PTAR1: variants seen among roughly 807,000 people sequenced by gnomAD.
The protein encoded by PTAR1 is protein prenyltransferase alpha subunit repeat containing 1, also known as protein prenyltransferase alpha subunit repeat-containing protein 1.
In PTAR1, 17 loss-of-function variants were observed where a neutral mutation model predicts 45.5. The ratio of observed to expected loss-of-function variants is 0.37; its 90% CI spans 0.26 to 0.56. The LOEUF (loss-of-function observed/expected upper bound fraction) is 0.56. Among genes scored for constraint, PTAR1 ranks in the 20% least tolerant of loss-of-function variants. The pLI is 0.77. For synonymous variants in PTAR1, 169 were observed against 171.3 expected (o/e 0.99, Z 0.11); for missense variants, 391 against 476.3 (o/e 0.82, Z 1.67).
intron 6 of PTAR1, among the ~76,000 whole-genome samples, 190 bp from the exon 7 acceptor site, chr9:69,718,874 T>C (rs1265086628): frequency 6.6e-6 from 1 of 152,146 alleles, no homozygotes; most frequent in Non-Finnish European, 1.5e-5. Context: ...AAAGAAAGCC[T>C]TATAACTCCA....
At chr9:69,724,348 A>G (rs1175516177) in intron 5 of PTAR1, among the ~76,000 whole-genome samples, 1 of 152,232 alleles carries the variant, frequency 6.6e-6, no homozygotes, top group East Asian at 1.9e-4. Context: ...TTCAAATGAA[A>G]TGATTTTTTA....
chr9:69,723,578 G>A lies in PTAR1; in HGVS notation c.695C>T (p.Ser232Leu). ...STKHWASMHV[S>L]DHSGFHYRQF... ...GCGGTAGTGAAATCCACTGTGGTCT[G>A]AAACGTGCATAGATGCCCAATGTTT... Residue 232 changes from serine to leucine, a missense_variant, in exon 6 of 8, where the codon TCA (serine) becomes TTA (leucine). Physicochemically the swap from Ser to Leu is moderately radical, Grantham distance 145 (BLOSUM62 -2). This residue lies in a region of PTAR1 where 181 missense variants were observed against 227.7 expected (regional missense o/e 0.80). Transcript: ENST00000340434. The A allele has an allele frequency of 6.2e-7, 1 of 1,613,828 alleles. No individual in the cohort carries two copies. The highest frequency in any genetic ancestry group is 8.5e-7 in the Non-Finnish European group (1 of 1,179,758).
intron 6 of PTAR1, among the ~76,000 whole-genome samples, chr9:69,719,175 G>A (rs1824869772): frequency 1.3e-5 from 2 of 152,258 alleles, no homozygotes; most frequent in South Asian, 4.1e-4. Flanking sequence ...ATCTGTTGTA[G>A]TGGGTCTTAT....
intron 3 of PTAR1, among the ~76,000 whole-genome samples, chr9:69,736,905 ACT>A (rs1260406431): frequency 6.6e-6 from 1 of 152,194 alleles, no homozygotes; most frequent in East Asian, 1.9e-4. Context: ...ATATATGGAC[ACT>A]GAAAAAGATC....
intron 1 of PTAR1, chr9:69,758,638 G>A (rs1826911504): frequency 3.2e-5 from 12 of 376,222 alleles, no homozygotes; most frequent in South Asian, 2.1e-4. Flanking sequence ...ACAGTTGCAC[G>A]TCTCCAATTG....
intron 5 of PTAR1, among the ~76,000 whole-genome samples, chr9:69,729,003 C>A (rs1038599387): frequency 9.2e-5 from 14 of 152,258 alleles, no homozygotes; most frequent in Admixed American, 9.2e-4. Flanking sequence ...CTGTCTCATT[C>A]AATGCTAATA....
chr9:69,734,124 A>T, intron 4 of PTAR1, 26 bp downstream of exon 4: 1 of 1,182,024 alleles, frequency 8.5e-7, no homozygotes, highest in Non-Finnish European at 1.3e-6. Flanking sequence ...CCTAAGTAAG[A>T]GTACTATGTT....
At chr9:69,720,309 G>C (rs1824937470) in intron 6 of PTAR1, among the ~76,000 whole-genome samples, 1 of 152,178 alleles carries the variant, frequency 6.6e-6, no homozygotes, top group Non-Finnish European at 1.5e-5. Flanking sequence ...TAGTGCTCTG[G>C]ATAGAAAAGC....
chr9:69,728,155 T>C (rs1446672825), intron 5 of PTAR1, among the ~76,000 whole-genome samples: 1 of 152,314 alleles, frequency 6.6e-6, no homozygotes, highest in Middle Eastern at 3.4e-3. Context: ...CAATGTTCTA[T>C]TGCATGGATA....
rs1041754178 is a variant in PTAR1, at chr9:69,714,689, C to G, written c.*3653G>C. 3.3e-5 allele frequency: 5 copies of G among 152,022 alleles called. No homozygotes were observed. Among genetic ancestry groups the G allele is most frequent in the African/African-American group, 1.2e-4 (5 of 41,418 alleles). 9.4% of individuals were successfully genotyped at this position (152,022 alleles called of 1,614,324 possible). A position where few individuals can be genotyped will look rare whatever the true frequency, so the allele number is the denominator to read the frequency against. ...AAGCCCTTATTTAAAAATTTAAGTA[C>G]TTTTAGAGATAACCTGTATATATTT... On this transcript the variant is annotated 3_prime_UTR_variant, in exon 8 of 8. Coordinates refer to ENST00000340434, the MANE Select transcript of PTAR1 (RefSeq NM_001099666.2).
chr9:69,742,418 G>T (rs931590347), intron 2 of PTAR1, among the ~76,000 whole-genome samples: 1 of 151,912 alleles, frequency 6.6e-6, no homozygotes, highest in Non-Finnish European at 1.5e-5. Context: ...CTCCTATATT[G>T]CTAGAGTATG....
Position 69,718,307 on chromosome 9 carries a change from T to TA in PTAR1, c.*34dup, listed in dbSNP as rs750542817. The TA allele has an allele frequency of 1.5e-4, 218 of 1,470,790 alleles. No individual in the cohort carries two copies. The highest frequency in any genetic ancestry group is 1.9e-4 in the Non-Finnish European group (210 of 1,083,076). The allele number at this position is 1,470,790 out of a possible 1,614,324, so 91.1% of individuals were successfully genotyped here. A position where few individuals can be genotyped will look rare whatever the true frequency, so the allele number is the denominator to read the frequency against. On this transcript the variant is annotated 3_prime_UTR_variant, in exon 8 of 8. Transcript: ENST00000340434. ...ATAATAAAAGAAAGCAATATTGCAC[T>TA]AAAAGGGGAACCTTGTAGGACTAAT...
chr9:69,711,945 G>C lies in PTAR1; in HGVS notation c.*6397C>G, dbSNP rs1225036075. 6.6e-6 allele frequency: 1 copy of C among 152,054 alleles called. No individual in the cohort carries two copies. Among genetic ancestry groups the C allele is most frequent in the Non-Finnish European group, 1.5e-5 (1 of 67,998 alleles). The allele number at this position is 152,054 out of a possible 1,614,324, so 9.4% of individuals were successfully genotyped here. A position where few individuals can be genotyped will look rare whatever the true frequency, so the allele number is the denominator to read the frequency against. Reference sequence around the variant, plus strand: ...TGATGTTAGATCAATCACTGACTAAGCATTTATTGAGCATCTACTATAACT... The same window carrying C: ...TGATGTTAGATCAATCACTGACTAACCATTTATTGAGCATCTACTATAACT... On this transcript the variant is annotated 3_prime_UTR_variant, in exon 8 of 8. Transcript: ENST00000340434.
chr9:69,718,312 G>A lies in PTAR1; in HGVS notation c.*30C>T, dbSNP rs1824812625. On this transcript the variant is annotated 3_prime_UTR_variant, in exon 8 of 8. Transcript: ENST00000340434. The stretch of plus-strand genomic sequence containing the variant: ...AAAAGAAAGCAATATTGCACTAAAA[G>A]GGGAACCTTGTAGGACTAATTCACC... 6.7e-7 allele frequency: 1 copy of A among 1,493,524 alleles called. No individual in the cohort carries two copies. Among genetic ancestry groups the A allele is most frequent in the African/African-American group, 1.4e-5 (1 of 71,494 alleles). 92.5% of individuals were successfully genotyped at this position (1,493,524 alleles called of 1,614,324 possible). A position where few individuals can be genotyped will look rare whatever the true frequency, so the allele number is the denominator to read the frequency against.
At chr9:69,731,288 T>G (rs574030676) in intron 5 of PTAR1, among the ~76,000 whole-genome samples, 35 of 152,242 alleles carry the variant, frequency 2.3e-4, no homozygotes, top group African/African-American at 7.9e-4. Flanking sequence ...TCTGAAAGCA[T>G]CACCTGGGGC....
At chr9:69,736,862 C>T (rs559737593) in intron 3 of PTAR1, among the ~76,000 whole-genome samples, 24 of 152,072 alleles carry the variant, frequency 1.6e-4, no homozygotes, top group Non-Finnish European at 2.6e-4. Flanking sequence ...TTTGGGAAGA[C>T]ATCTTAGCTT....
chr9:69,732,694 T>G (rs1208331351), intron 4 of PTAR1, among the ~76,000 whole-genome samples: 1 of 152,008 alleles, frequency 6.6e-6, no homozygotes, highest in African/African-American at 2.4e-5. Flanking sequence ...GTGGTCGTGG[T>G]GAGAGGTCAT....
At chr9:69,720,549 A>C (rs1824947383) in intron 6 of PTAR1, among the ~76,000 whole-genome samples, 1 of 152,248 alleles carries the variant, frequency 6.6e-6, no homozygotes, top group Non-Finnish European at 1.5e-5. Flanking sequence ...GACCTAGCTA[A>C]GATCACTGAT....
At position 69,759,926 on chromosome 9, in the gene PTAR1, T is replaced by C. The variant is rs1354997966; in HGVS notation, c.13A>G (p.Ser5Gly). The C allele has an allele frequency of 6.6e-7, 1 of 1,514,408 alleles. No homozygotes were observed. Among genetic ancestry groups the C allele is most frequent in the Non-Finnish European group, 8.8e-7 (1 of 1,131,334 alleles). The allele number at this position is 1,514,408 out of a possible 1,614,324, so 93.8% of individuals were successfully genotyped here. A position where few individuals can be genotyped will look rare whatever the true frequency, so the allele number is the denominator to read the frequency against. Residue 5 changes from serine to glycine, a missense_variant, in exon 1 of 8, where the codon AGC (serine) becomes GGC (glycine). Physicochemically the swap from Ser to Gly is moderately conservative, Grantham distance 56. This residue lies in a region of PTAR1 where 152 missense variants were observed against 160.0 expected (regional missense o/e 0.95). Coordinates refer to ENST00000340434, the MANE Select transcript of PTAR1 (RefSeq NM_001099666.2). MAET[S>G]EEVAVLVQRV... ...TGCACCAGCACCGCCACCTCCTCGC[T>C]GGTCTCGGCCATGTTGGCGGCGGCC... is the stretch of plus-strand genomic sequence containing the variant.
Sources: gnomAD v4.1 joint callset for allele counts (sites outside exome capture counted in the v4.1 genomes callset) on GRCh38, gnomAD v4.1.1 for gene constraint, gnomAD v4.1.1 regional missense constraint, MANE v1.5 for transcripts, NCBI Gene and HGNC (gene_info 2026-07-23, HGNC 2026-07-21) for gene names.